UBE3D: variants seen among roughly 807,000 people sequenced by gnomAD.
UBE3D encodes the protein ubiquitin protein ligase E3D, also known as E3 ubiquitin-protein ligase E3D.
Under a neutral mutation model 49.6 loss-of-function variants are expected in UBE3D, and 48 were observed. The ratio of observed to expected loss-of-function variants is 0.97; its 90% CI spans 0.77 to 1.23. UBE3D has a LOEUF of 1.23. Among genes scored for constraint, UBE3D ranks in the 50% most tolerant of loss-of-function variants. The pLI is 0.00. For synonymous variants in UBE3D, 189 were observed against 174.2 expected (o/e 1.08, Z -0.67); for missense variants, 452 against 468.4 (o/e 0.96, Z 0.32).
Position 83,042,784 on chromosome 6 carries a change from CA to C in UBE3D, c.597+1643del, listed in dbSNP as rs575650593. ...GATGCTTTGTTACTATGTGACATTT[CA>C]AAACCCTGCTAGATGGCTAGACTGG... On this transcript the variant is annotated intron_variant, in intron 4 of 9. Coordinates refer to ENST00000369747, the MANE Select transcript of UBE3D (RefSeq NM_198920.3). 2.8e-3 allele frequency among the ~76,000 whole-genome samples: 429 copies of C among 152,294 alleles called. 1 individual carries two copies. The highest frequency in any genetic ancestry group is 9.0e-3 in the African/African-American group (373 of 41,572).
At chr6:82,887,412 T>C (rs1262488294), downstream of UBE3D, among the ~76,000 whole-genome samples, 10 of 146,654 alleles carry the variant, frequency 6.8e-5, no homozygotes, top group East Asian at 4.1e-4. Context: ...TTTTTTTTTT[T>C]CAGAAAGAAT....
chr6:82,962,149 G>A (rs186068823), intron 8 of UBE3D, among the ~76,000 whole-genome samples: 42 of 152,098 alleles, frequency 2.8e-4, no homozygotes, highest in African/African-American at 9.9e-4. Context: ...TTCCACTACA[G>A]GAAAATAATA....
chr6:82,959,640 A>G (rs1321625494), intron 8 of UBE3D, among the ~76,000 whole-genome samples: 1 of 147,280 alleles, frequency 6.8e-6, no homozygotes, highest in Non-Finnish European at 1.5e-5. Context: ...GCGTGTCTTT[A>G]AGGCACCAAG....
intron 8 of UBE3D, among the ~76,000 whole-genome samples, chr6:82,966,549 C>G (rs1268162235): frequency 9.3e-6 from 1 of 107,366 alleles, no homozygotes; most frequent in Non-Finnish European, 1.9e-5. Context: ...ACTCGGGAGG[C>G]TGAGGCAGGA....
At chr6:82,980,458 T>G (rs1017118731) in intron 8 of UBE3D, among the ~76,000 whole-genome samples, 1 of 152,098 alleles carries the variant, frequency 6.6e-6, no homozygotes, top group Non-Finnish European at 1.5e-5. Flanking sequence ...ATTGAGTTTC[T>G]TGTAAATTCT....
At chr6:82,941,300 T>G (rs527823875) in intron 9 of UBE3D, among the ~76,000 whole-genome samples, 1 of 151,334 alleles carries the variant, frequency 6.6e-6, no homozygotes, top group Non-Finnish European at 1.5e-5. Flanking sequence ...CAATTTTTTT[T>G]ATGAAAAAAG....
intron 4 of UBE3D, among the ~76,000 whole-genome samples, chr6:83,043,090 G>A (rs888241719): frequency 6.6e-6 from 1 of 152,190 alleles, no homozygotes; most frequent in African/African-American, 2.4e-5. Flanking sequence ...TTCTTTAATG[G>A]ATAAGATAGC....
chr6:83,013,947 T>C (rs374127838), intron 8 of UBE3D, among the ~76,000 whole-genome samples: 2 of 152,340 alleles, frequency 1.3e-5, no homozygotes, highest in East Asian at 3.9e-4. Context: ...GGAGAGTTGA[T>C]ATACCCCTGA....
At position 82,957,322 on chromosome 6, in the gene UBE3D, T is replaced by C. The variant is rs1304844674; in HGVS notation, c.1139A>G (p.Asn380Ser). The C allele has an allele frequency of 6.2e-7, 1 of 1,613,760 alleles. No individual in the cohort carries two copies. The highest frequency in any genetic ancestry group is 1.1e-5 in the South Asian group (1 of 90,944). The change falls in exon 9 of 10, where the codon AAT becomes AGT. Residue 380 changes from asparagine to serine, a missense_variant. Physicochemically the swap from Asn to Ser is conservative, Grantham distance 46. Transcript: ENST00000369747. ...ANLPSSLRRVNSFQVAFLKM is the reference protein window; with the variant it reads ...ANLPSSLRRVSSFQVAFLKM ...GAAGCCATTGCTCACCTGAAAGGAA[T>C]TCACACGGCGAAGGGATGAAGGCAG...
chr6:83,055,630 C>T (rs1042841744), intron 2 of UBE3D, among the ~76,000 whole-genome samples: 5 of 152,104 alleles, frequency 3.3e-5, no homozygotes, highest in African/African-American at 4.8e-5. Context: ...CCTGGGAGAG[C>T]GTTGCTGCGG....
chr6:82,949,959 G>A (rs1775668336), intron 9 of UBE3D, among the ~76,000 whole-genome samples: 1 of 152,172 alleles, frequency 6.6e-6, no homozygotes, highest in South Asian at 2.1e-4. Flanking sequence ...ATTGGGCAAA[G>A]ATTTCTTGAG....
intron 9 of UBE3D, among the ~76,000 whole-genome samples, chr6:82,946,291 T>G (rs1459254299): frequency 6.6e-6 from 1 of 151,418 alleles, no homozygotes; most frequent in African/African-American, 2.4e-5. Flanking sequence ...ACAATGGAGA[T>G]CCAATACACC....
intron 3 of UBE3D, among the ~76,000 whole-genome samples, chr6:83,048,838 C>T (rs142793183): frequency 6.6e-6 from 1 of 152,164 alleles, no homozygotes; most frequent in Admixed American, 6.5e-5. Context: ...GAAAAATATA[C>T]TTTGATATGA....
At chr6:83,032,338 AT>A in intron 5 of UBE3D, 2 of 452,206 alleles carry the variant, frequency 4.4e-6, no homozygotes, top group Non-Finnish European at 8.9e-6. Flanking sequence ...AAAAGAGATC[AT>A]TTTGGAGCTT....
chr6:82,926,686 G>T (rs1773772920), intron 9 of UBE3D, among the ~76,000 whole-genome samples: 1 of 152,052 alleles, frequency 6.6e-6, no homozygotes, highest in Non-Finnish European at 1.5e-5. Flanking sequence ...GATGACATGT[G>T]ATGTGTAGTA....
At chr6:83,059,747 G>A (rs1359337653) in intron 1 of UBE3D, among the ~76,000 whole-genome samples, 1 of 151,872 alleles carries the variant, frequency 6.6e-6, no homozygotes, top group Non-Finnish European at 1.5e-5. Context: ...GACTGTGGAG[G>A]GCATCCATAG....
chr6:82,987,266 A>C (rs1220635018), intron 8 of UBE3D, among the ~76,000 whole-genome samples: 1 of 152,144 alleles, frequency 6.6e-6, no homozygotes, highest in Non-Finnish European at 1.5e-5. Flanking sequence ...CTTCCACCTC[A>C]GCTACTTGAA....
In UBE3D at chr6:82,985,965, C is replaced by T. The variant is rs141812550; in HGVS notation, c.1011-28515G>A. On this transcript the variant is annotated intron_variant, in intron 8 of 9. Transcript: ENST00000369747. ...ATATCTGATAGGGCTAGTCCTTGCC[C>T]TGATTTCTTTTATTTTCAAGGGTTT... Among the ~76,000 whole-genome samples, 6 of 152,016 alleles carry T rather than the reference C, an allele frequency of 3.9e-5. No homozygotes were observed. In the East Asian group the frequency reaches 1.2e-3, roughly 29 times the overall value.
chr6:83,056,048 G>A (rs1783794670), intron 2 of UBE3D, among the ~76,000 whole-genome samples: 1 of 152,178 alleles, frequency 6.6e-6, no homozygotes, highest in Non-Finnish European at 1.5e-5. Flanking sequence ...TATATTAAAA[G>A]TGTAAAGAAA....
Sources: allele counts gnomAD v4.1 joint callset (sites outside exome capture counted in the v4.1 genomes callset), GRCh38; gene constraint gnomAD v4.1.1; transcripts MANE v1.5; gene names NCBI Gene and HGNC (gene_info 2026-07-23, HGNC 2026-07-21).